NATD1: variants seen among roughly 807,000 people sequenced by gnomAD.
The protein encoded by NATD1 is protein NATD1.
In NATD1, 9 loss-of-function variants were observed where a neutral mutation model predicts 12.0. That is an observed-to-expected ratio of 0.75 (90% CI 0.45 to 1.30). The LOEUF (loss-of-function observed/expected upper bound fraction) is 1.30. NATD1 is among the 50% of genes most tolerant of loss of function. The pLI is 0.00. For missense variants in NATD1, 148 were observed against 148.5 expected (o/e 1.00, Z 0.02); for synonymous variants, 71 against 65.9 (o/e 1.08, Z -0.37).
chr17:21,251,305 A>AAC (rs936769144), intron 1 of NATD1, among the ~76,000 whole-genome samples: 2 of 151,854 alleles, frequency 1.3e-5, no homozygotes, highest in South Asian at 4.2e-4. Context: ...AAAAAAAAAA[A>AAC]AAAAAACAAA....
intron 1 of NATD1, among the ~76,000 whole-genome samples, chr17:21,251,439 G>A (rs749032476): frequency 3.3e-5 from 5 of 152,050 alleles, no homozygotes; most frequent in Non-Finnish European, 7.4e-5. Context: ...TCCCAGAGTC[G>A]CCAGGGCCCC....
At chr17:21,250,993 C>CA (rs1220652428) in intron 1 of NATD1, among the ~76,000 whole-genome samples, 1 of 152,184 alleles carries the variant, frequency 6.6e-6, no homozygotes, top group African/African-American at 2.4e-5. Flanking sequence ...GGCCTGGGCT[C>CA]AGACTCAGAC....
At chr17:21,249,889 C>CAT (rs1975360069) in intron 1 of NATD1, among the ~76,000 whole-genome samples, 1 of 152,228 alleles carries the variant, frequency 6.6e-6, no homozygotes, top group Non-Finnish European at 1.5e-5. Context: ...ATTTCAGAAC[C>CAT]AGGATATGGC....
chr17:21,245,181 T>C (rs781651197), intron 1 of NATD1, among the ~76,000 whole-genome samples: 28 of 151,418 alleles, frequency 1.8e-4, no homozygotes, highest in Admixed American at 4.6e-4. Flanking sequence ...GAACAGCCAG[T>C]GCAAAGGCTC....
rs1235044551 is a variant in NATD1 at position 21,240,489 on chromosome 17, CCT to C, written c.*2822_*2823del. The C allele has an allele frequency of 2.0e-5, 3 of 152,632 alleles. No individual in the cohort carries two copies. The highest frequency in any genetic ancestry group is 1.9e-4 in the East Asian group (1 of 5,200). 9.5% of individuals were successfully genotyped at this position (152,632 alleles called of 1,614,324 possible). ...AGGCCACACCTTTTATGGAAATGTT[CCT>C]CTGAGACCTGTTGATGAGCTTGGAG... is the stretch of plus-strand genomic sequence containing the variant. On this transcript the variant is annotated 3_prime_UTR_variant, in exon 3 of 3. Transcript: ENST00000611551.
chr17:21,252,785 G>C (rs1372224600), intron 1 of NATD1, among the ~76,000 whole-genome samples: 2 of 152,128 alleles, frequency 1.3e-5, no homozygotes, highest in African/African-American at 4.8e-5. Context: ...TCGTGAACAA[G>C]TGGGCCTGAG....
intron 1 of NATD1, among the ~76,000 whole-genome samples, chr17:21,247,275 T>C (rs1975333944): frequency 6.6e-6 from 1 of 152,250 alleles, no homozygotes; most frequent in Admixed American, 6.5e-5. Flanking sequence ...AACTGCTTTC[T>C]GTCTTTGCCA....
Position 21,253,299 on chromosome 17 carries a change from G to A in NATD1, c.-35C>T, listed in dbSNP as rs186260375. 0.025 allele frequency: 22,776 copies of A among 914,050 alleles called. 626 individuals are homozygous for A. The highest frequency in any genetic ancestry group is 0.12 in the African/African-American group (6,842 of 55,364). 56.6% of individuals were successfully genotyped at this position (914,050 alleles called of 1,614,324 possible). A position where few individuals can be genotyped will look rare whatever the true frequency, so the allele number is the denominator to read the frequency against. On this transcript the variant is annotated 5_prime_UTR_variant, in exon 1 of 3. Transcript: ENST00000611551. ...GGGCTGCGGCGCGGCGCCGGCGGGG[G>A]CCGGGGCGCGCGGGGAAAGGTCAGG...
chr17:21,253,123 C>T lies in NATD1; in HGVS notation c.106+36G>A, dbSNP rs1975394368. The T allele has an allele frequency of 1.7e-5, 17 of 990,014 alleles. No homozygotes were observed. The South Asian group carries it at 5.9e-4, about 34-fold the overall frequency. The allele number at this position is 990,014 out of a possible 1,614,324, so 61.3% of individuals were successfully genotyped here. Reference sequence around the variant, plus strand: ...GGCCCCGGCGGGCCCCGCTCGCTCGCAGACAAAAGGTCGGGGCGGGCCGGG... The same window carrying T: ...GGCCCCGGCGGGCCCCGCTCGCTCGTAGACAAAAGGTCGGGGCGGGCCGGG... On this transcript the variant is annotated intron_variant, in intron 1 of 2. Transcript: ENST00000611551.
chr17:21,250,234 C>T (rs1410993533), intron 1 of NATD1, among the ~76,000 whole-genome samples: 1 of 152,244 alleles, frequency 6.6e-6, no homozygotes, highest in Non-Finnish European at 1.5e-5. Flanking sequence ...CACAAGGCAT[C>T]GCAGGCACTG....
chr17:21,251,162 G>A (rs1975371247), intron 1 of NATD1, among the ~76,000 whole-genome samples: 2 of 152,070 alleles, frequency 1.3e-5, no homozygotes, highest in Admixed American at 1.3e-4. Flanking sequence ...CCACATCTGT[G>A]GTCAGCTATC....
chr17:21,253,354 G>T lies in NATD1; in HGVS notation c.-90C>A. 2.2e-6 allele frequency: 1 copy of T among 449,512 alleles called. No individual in the cohort carries two copies. The highest frequency in any genetic ancestry group is 2.9e-6 in the Non-Finnish European group (1 of 341,112). The allele number at this position is 449,512 out of a possible 1,614,324, so 27.8% of individuals were successfully genotyped here. A position where few individuals can be genotyped will look rare whatever the true frequency, so the allele number is the denominator to read the frequency against. ...CGGCGGGGCTGGAGCGCGGGCGCAGGCGGCAGGCGGTGGGGTAGTTACGGC... is the reference window on the plus strand; with the variant it reads ...CGGCGGGGCTGGAGCGCGGGCGCAGTCGGCAGGCGGTGGGGTAGTTACGGC... On this transcript the variant is annotated 5_prime_UTR_variant, in exon 1 of 3. Coordinates refer to ENST00000611551, the MANE Select transcript of NATD1 (RefSeq NM_152914.3).
chr17:21,249,527 T>C (rs1975357085), intron 1 of NATD1, among the ~76,000 whole-genome samples: 2 of 152,194 alleles, frequency 1.3e-5, no homozygotes, highest in South Asian at 4.1e-4. Flanking sequence ...CCTGGGGCTG[T>C]GATCTTAGCT....
chr17:21,252,880 C>G (rs898577155), intron 1 of NATD1, among the ~76,000 whole-genome samples: 4 of 151,928 alleles, frequency 2.6e-5, no homozygotes, highest in African/African-American at 9.7e-5. Flanking sequence ...CCTGTCCGCC[C>G]TGGCCCCTGC....
At chr17:21,250,393 A>C (rs1394129806) in intron 1 of NATD1, among the ~76,000 whole-genome samples, 1 of 152,180 alleles carries the variant, frequency 6.6e-6, no homozygotes, top group Non-Finnish European at 1.5e-5. Context: ...GCCCTGCCCA[A>C]CACAGCCTCC....
chr17:21,242,773 G>A lies in NATD1; in HGVS notation c.*540C>T, dbSNP rs1457630438. 1.3e-5 allele frequency: 2 copies of A among 154,014 alleles called. No individual in the cohort carries two copies. Among genetic ancestry groups the A allele is most frequent in the East Asian group, 3.8e-4 (2 of 5,230 alleles). 9.5% of individuals were successfully genotyped at this position (154,014 alleles called of 1,614,324 possible). On this transcript the variant is annotated 3_prime_UTR_variant, in exon 3 of 3. Transcript: ENST00000611551. ...TCACTCTGCTGGTCTCTGTCAGGGA[G>A]AGCTGACCCTTTCCAGGGCCCTGCC...
rs934108764 is a variant in NATD1, at chr17:21,241,423, T to A, written c.*1890A>T. On this transcript the variant is annotated 3_prime_UTR_variant, in exon 3 of 3. Coordinates refer to ENST00000611551, the MANE Select transcript of NATD1 (RefSeq NM_152914.3). ...CCCTAGCTCTGCTGCCCTGGGACAGTAAGGGGAAGGCCCAGGCCTGGCTGC... is the reference window on the plus strand; with the variant it reads ...CCCTAGCTCTGCTGCCCTGGGACAGAAAGGGGAAGGCCCAGGCCTGGCTGC... 6.6e-6 allele frequency: 1 copy of A among 152,288 alleles called. No individual in the cohort carries two copies. Among genetic ancestry groups the A allele is most frequent in the Non-Finnish European group, 1.5e-5 (1 of 68,170 alleles). 9.4% of individuals were successfully genotyped at this position (152,288 alleles called of 1,614,324 possible).
Position 21,244,611 on chromosome 17 carries a change from A to C in NATD1, c.107-387T>G, listed in dbSNP as rs1206187400. Among the ~76,000 whole-genome samples the C allele has an allele frequency of 6.6e-6, 1 of 152,192 alleles. No homozygotes were observed. Among genetic ancestry groups the C allele is most frequent in the Non-Finnish European group, 1.5e-5 (1 of 68,024 alleles). ...TCCCAGAACCCAGCACTGGACACAG[A>C]ACAGGGCTCAGCAAATCTGCAACTA... On this transcript the variant is annotated intron_variant, in intron 1 of 2. Coordinates refer to ENST00000611551, the MANE Select transcript of NATD1 (RefSeq NM_152914.3). The surrounding 1 kb of genome is among the most constrained non-coding windows in gnomAD (Gnocchi z 5.2).
intron 1 of NATD1, among the ~76,000 whole-genome samples, chr17:21,249,583 C>T (rs1299170811): frequency 6.6e-6 from 1 of 152,212 alleles, no homozygotes; most frequent in Non-Finnish European, 1.5e-5. Context: ...CAGCAGCTGA[C>T]TCTCTGGGGC....
Sources: allele counts gnomAD v4.1 joint callset (sites outside exome capture counted in the v4.1 genomes callset), GRCh38; gene constraint gnomAD v4.1.1; non-coding constraint Gnocchi (gnomAD v3.1); transcripts MANE v1.5; gene names NCBI Gene and HGNC (gene_info 2026-07-23, HGNC 2026-07-21).